DCDC2: variants seen among roughly 807,000 people sequenced by gnomAD.
DCDC2 encodes doublecortin domain containing 2, also known as doublecortin domain-containing protein 2.
Under a neutral mutation model 50.2 loss-of-function variants are expected in DCDC2, and 40 were observed. The observed-to-expected ratio is 0.80, with a 90% CI of 0.62 to 1.04. The LOEUF (loss-of-function observed/expected upper bound fraction) is 1.04. Among genes scored for constraint, DCDC2 ranks in the 50% least tolerant of loss-of-function variants. The pLI, the probability that DCDC2 is intolerant of heterozygous loss-of-function variation, is 0.00. For missense variants in DCDC2, 570 were observed against 581.9 expected, an observed-to-expected ratio of 0.98 and a Z score of 0.21; for synonymous variants, 234 against 210.6, an observed-to-expected ratio of 1.11 and a Z score of -0.96.
At chr6:24,360,964 AAGAG>A (rs904654019), upstream of DCDC2, among the ~76,000 whole-genome samples, 3 of 151,966 alleles carry the variant, frequency 2.0e-5, no homozygotes, top group Admixed American at 6.6e-5. Context: ...TAGAAAACGA[AAGAG>A]AGAGAGAGAG....
chr6:24,303,699 C>A lies in DCDC2; in HGVS notation c.349-1655G>T, dbSNP rs1350336558. On this transcript the variant is annotated intron_variant, in intron 2 of 9. Coordinates refer to ENST00000378454, the MANE Select transcript of DCDC2 (RefSeq NM_016356.5). Reference sequence around the variant, plus strand: ...GTTGTGCTATATTTCATGGCAAGCACCGTACTAAGTAATTTATATGCATTA... The same window carrying A: ...GTTGTGCTATATTTCATGGCAAGCAACGTACTAAGTAATTTATATGCATTA... 6.6e-5 allele frequency among the ~76,000 whole-genome samples: 10 copies of A among 152,174 alleles called. No individual in the cohort carries two copies. The East Asian group carries it at 1.7e-3, about 26-fold the overall frequency.
chr6:24,289,960 C>T (rs1204018803), intron 5 of DCDC2, among the ~76,000 whole-genome samples: 1 of 131,822 alleles, frequency 7.6e-6, no homozygotes, highest in Non-Finnish European at 1.6e-5. Context: ...GCAGCATGGG[C>T]CAGAGCTCTT....
intron 7 of DCDC2, among the ~76,000 whole-genome samples, chr6:24,252,496 G>C (rs1762814686): frequency 6.6e-6 from 1 of 152,160 alleles, no homozygotes; most frequent in African/African-American, 2.4e-5. Flanking sequence ...ATTGAAACCA[G>C]AATTTTAAGG....
Position 24,318,368 on chromosome 6 carries a change from C to A in DCDC2, c.349-16324G>T, listed in dbSNP as rs192595766. Among the ~76,000 whole-genome samples the A allele has an allele frequency of 6.6e-5, 10 of 152,116 alleles. No homozygotes were observed. The East Asian group carries it at 1.9e-3, about 29-fold the overall frequency. Reference sequence around the variant, plus strand: ...TACCAATATGGAGAGGTTTCCAAGACATACTGGGTTTTTTGTTGTTGTTGT... The same window carrying A: ...TACCAATATGGAGAGGTTTCCAAGAAATACTGGGTTTTTTGTTGTTGTTGT... On this transcript the variant is annotated intron_variant, in intron 2 of 9. Transcript: ENST00000378454.
chr6:24,352,983 G>A (rs542968083), intron 2 of DCDC2, among the ~76,000 whole-genome samples: 1 of 152,110 alleles, frequency 6.6e-6, no homozygotes, highest in African/African-American at 2.4e-5. Context: ...ACTCCACCAG[G>A]GTTTCAGAAG....
At chr6:24,191,607 A>G (rs1334539818) in intron 8 of DCDC2, among the ~76,000 whole-genome samples, 1 of 152,152 alleles carries the variant, frequency 6.6e-6, no homozygotes, top group Admixed American at 6.6e-5. Flanking sequence ...GCCAAAGAAG[A>G]TTCCCTCATA....
chr6:24,281,307 T>C (rs1161966615), intron 6 of DCDC2, among the ~76,000 whole-genome samples: 1 of 151,888 alleles, frequency 6.6e-6, no homozygotes, highest in Non-Finnish European at 1.5e-5. Context: ...CAGGAAAGAA[T>C]TGTTTTGTAA....
At chr6:24,212,130 G>A (rs1451501546) in intron 7 of DCDC2, among the ~76,000 whole-genome samples, 1 of 152,168 alleles carries the variant, frequency 6.6e-6, no homozygotes, top group Non-Finnish European at 1.5e-5. Flanking sequence ...GATCTAGGGT[G>A]CACGCTCCTT....
intron 7 of DCDC2, among the ~76,000 whole-genome samples, chr6:24,251,990 T>A (rs940311900): frequency 6.6e-6 from 1 of 152,178 alleles, no homozygotes; most frequent in Non-Finnish European, 1.5e-5. Context: ...CATTTAAGGC[T>A]CCTTATGACC....
intron 7 of DCDC2, among the ~76,000 whole-genome samples, chr6:24,238,135 A>AGGGCG (rs1171833208): frequency 2.1e-4 from 1 of 4,786 alleles, no homozygotes; most frequent in Non-Finnish European, 3.3e-4. Flanking sequence ...GGAGGAAAGG[A>AGGGCG]GGAAGGGATG....
intron 2 of DCDC2, among the ~76,000 whole-genome samples, chr6:24,348,262 T>C (rs948461168): frequency 2.0e-5 from 3 of 152,204 alleles, no homozygotes; most frequent in African/African-American, 2.4e-5. Flanking sequence ...CAGTTCTAGA[T>C]TGGTTTCTGT....
At position 24,184,048 on chromosome 6, in the gene DCDC2, C is replaced by T. The variant is rs568392761; in HGVS notation, c.1024-5416G>A. 3.9e-5 allele frequency among the ~76,000 whole-genome samples: 6 copies of T among 152,288 alleles called. No homozygotes were observed. In the East Asian group the frequency reaches 1.2e-3, roughly 29 times the overall value. On this transcript the variant is annotated intron_variant, in intron 8 of 9. Coordinates refer to ENST00000378454, the MANE Select transcript of DCDC2 (RefSeq NM_016356.5). Reference sequence around the variant, plus strand: ...AGCCCTATGAGTTGTTTCTTATACCCATTAGACAAAGAGAGTAAATGAGAA... The same window carrying T: ...AGCCCTATGAGTTGTTTCTTATACCTATTAGACAAAGAGAGTAAATGAGAA...
intron 7 of DCDC2, among the ~76,000 whole-genome samples, chr6:24,221,044 C>T (rs1299915143): frequency 6.6e-6 from 1 of 151,912 alleles, no homozygotes; most frequent in Non-Finnish European, 1.5e-5. Flanking sequence ...GTGGGGATGA[C>T]AATTTTAGAA....
At chr6:24,308,163 C>T (rs1759508215) in intron 2 of DCDC2, among the ~76,000 whole-genome samples, 1 of 152,168 alleles carries the variant, frequency 6.6e-6, no homozygotes, top group Non-Finnish European at 1.5e-5. Context: ...GGCAAAAGAG[C>T]AGAGAAAGGA....
chr6:24,361,367 C>T (rs1159494000), upstream of DCDC2, among the ~76,000 whole-genome samples: 1 of 151,814 alleles, frequency 6.6e-6, no homozygotes, highest in East Asian at 1.9e-4. Flanking sequence ...TACAACAAAC[C>T]TCCGTGACAC....
chr6:24,285,504 T>C (rs1002315345), intron 6 of DCDC2, among the ~76,000 whole-genome samples: 1 of 152,136 alleles, frequency 6.6e-6, no homozygotes, highest in Non-Finnish European at 1.5e-5. Flanking sequence ...AGACCACGAG[T>C]ATCAGAGAGA....
In DCDC2 at chr6:24,357,745, G is replaced by A. The variant is rs755190281; in HGVS notation, c.6C>T (p.Ser2=). The stretch of plus-strand genomic sequence containing the variant: ...GGTGGCTGGACCTGGCGCTGCTGCC[G>A]CTCATCTTCCCCGCTGGCCGCCGCC... The part of the protein sequence containing the change: M[S]GSSARSSHLS... Residue 2 remains serine (S), a synonymous_variant, in exon 1 of 10, where the codon AGC becomes AGT. Transcript: ENST00000378454. The A allele has an allele frequency of 1.6e-5, 26 of 1,612,240 alleles. No individual in the cohort carries two copies. Among genetic ancestry groups the A allele is most frequent in the East Asian group, 6.7e-5 (3 of 44,870 alleles).
intron 7 of DCDC2, among the ~76,000 whole-genome samples, chr6:24,238,948 T>C (rs2113789768): frequency 6.6e-6 from 1 of 152,156 alleles, no homozygotes; most frequent in South Asian, 2.1e-4. Context: ...TAGGAGAGAG[T>C]ATTAGCTTTA....
chr6:24,310,067 T>G (rs1040165891), intron 2 of DCDC2, among the ~76,000 whole-genome samples: 4 of 152,210 alleles, frequency 2.6e-5, no homozygotes, highest in African/African-American at 9.6e-5. Flanking sequence ...AATTCAGATG[T>G]TTTTGGTCAA....
Sources: allele counts gnomAD v4.1 joint callset (sites outside exome capture counted in the v4.1 genomes callset), GRCh38; gene constraint gnomAD v4.1.1; transcripts MANE v1.5; gene names NCBI Gene and HGNC (gene_info 2026-07-23, HGNC 2026-07-21).